The following LRFN5 variants were observed in gnomAD, a reference collection of about 807,000 sequenced individuals.
LRFN5 encodes the protein leucine-rich repeat and fibronectin type-III domain-containing protein 5.
A neutral mutation model predicts 45.6 loss-of-function variants in LRFN5; 24 were observed. That is an observed-to-expected ratio of 0.53 (90% CI 0.38 to 0.74). The LOEUF (loss-of-function observed/expected upper bound fraction) is 0.74, where lower values mean the gene tolerates loss of function less well. Ranked by LOEUF, LRFN5 falls within the 30% of genes least tolerant of loss-of-function variation. LRFN5 has a pLI of 0.00. For synonymous variants in LRFN5, 340 were observed against 313.8 expected (o/e 1.08, Z -0.88); for missense variants, 776 against 861.5 (o/e 0.90, Z 1.24).
intron 2 of LRFN5, among the ~76,000 whole-genome samples, chr14:41,833,859 T>G (rs1888569893): frequency 6.6e-6 from 1 of 152,240 alleles, no homozygotes; most frequent in Non-Finnish European, 1.5e-5. Flanking sequence ...TCTTTTGAAC[T>G]ACTGAATCTC....
At chr14:41,634,441 A>C (rs1888661312) in intron 1 of LRFN5, among the ~76,000 whole-genome samples, 1 of 152,196 alleles carries the variant, frequency 6.6e-6, no homozygotes, top group Non-Finnish European at 1.5e-5. Context: ...CCATAAAGGC[A>C]AATAGCTTCA....
At chr14:41,863,111 G>A (rs574568854) in intron 2 of LRFN5, among the ~76,000 whole-genome samples, 6 of 152,056 alleles carry the variant, frequency 3.9e-5, no homozygotes, top group Admixed American at 2.6e-4. Context: ...TGATCCGCCC[G>A]CCTCAGCCTC....
intron 1 of LRFN5, among the ~76,000 whole-genome samples, chr14:41,659,277 C>T (rs1880520928): frequency 6.6e-6 from 1 of 152,058 alleles, no homozygotes; most frequent in South Asian, 2.1e-4. Context: ...GTTCAACTCC[C>T]ACTAATGATT....
chr14:41,762,752 C>T (rs1042073223), intron 1 of LRFN5, among the ~76,000 whole-genome samples: 1 of 151,892 alleles, frequency 6.6e-6, no homozygotes, highest in African/African-American at 2.4e-5. Context: ...TATATTATTA[C>T]ATAAGTATAA....
chr14:41,648,953 T>C (rs1367019126), intron 1 of LRFN5, among the ~76,000 whole-genome samples: 1 of 152,162 alleles, frequency 6.6e-6, no homozygotes, highest in African/African-American at 2.4e-5. Context: ...AGTAATATAA[T>C]GAAAATTAAA....
At chr14:41,734,322 A>ATATATATATATATATATG (rs1884321745) in intron 1 of LRFN5, among the ~76,000 whole-genome samples, 1 of 78,672 alleles carries the variant, frequency 1.3e-5, no homozygotes, top group Non-Finnish European at 2.5e-5. Context: ...GGTTTTATAT[A>ATATATATATATATATATG]TATATATATA....
At chr14:41,634,296 A>G (rs1040785706) in intron 1 of LRFN5, among the ~76,000 whole-genome samples, 7 of 152,162 alleles carry the variant, frequency 4.6e-5, no homozygotes, top group African/African-American at 1.7e-4. Context: ...AATATATTGG[A>G]AGCCATACTC....
intron 1 of LRFN5, among the ~76,000 whole-genome samples, chr14:41,618,398 T>G (rs1354915919): frequency 6.6e-5 from 10 of 152,206 alleles, no homozygotes; most frequent in African/African-American, 2.4e-4. Flanking sequence ...CTCCAGAGAC[T>G]ATGTAGCTTC....
At chr14:41,892,609 A>G in intron 4 of LRFN5, 1 of 982,832 alleles carries the variant, frequency 1.0e-6, no homozygotes, top group Non-Finnish European at 1.2e-6. Flanking sequence ...AATGTTGTAG[A>G]GAACAACTTC....
At chr14:41,795,401 A>G (rs952181538) in intron 2 of LRFN5, among the ~76,000 whole-genome samples, 4 of 152,114 alleles carry the variant, frequency 2.6e-5, no homozygotes, top group African/African-American at 4.8e-5. Context: ...TAGAAATACC[A>G]TTTGACCCAG....
chr14:41,624,164 A>AT (rs2138564647), intron 1 of LRFN5, among the ~76,000 whole-genome samples: 1 of 152,226 alleles, frequency 6.6e-6, no homozygotes, highest in Non-Finnish European at 1.5e-5. Flanking sequence ...TGGGTAGCAC[A>AT]TACTCCATAT....
At chr14:41,821,167 G>T (rs1888099543) in intron 2 of LRFN5, among the ~76,000 whole-genome samples, 1 of 151,874 alleles carries the variant, frequency 6.6e-6, no homozygotes, top group South Asian at 2.1e-4. Context: ...GTATGAAAGT[G>T]GGCATCTTTG....
intron 1 of LRFN5, among the ~76,000 whole-genome samples, chr14:41,610,499 C>G (rs1427786580): frequency 6.6e-6 from 1 of 151,270 alleles, no homozygotes; most frequent in Non-Finnish European, 1.5e-5. Context: ...AACTAACCTC[C>G]CTCTCCCACC....
At chr14:41,615,767 T>A (rs1374224163) in intron 1 of LRFN5, among the ~76,000 whole-genome samples, 1 of 152,144 alleles carries the variant, frequency 6.6e-6, no homozygotes, top group Admixed American at 6.6e-5. Flanking sequence ...TCTTAACATA[T>A]ATACCTCTTT....
intron 2 of LRFN5, among the ~76,000 whole-genome samples, chr14:41,858,085 A>G (rs1463107604): frequency 2.6e-5 from 4 of 152,172 alleles, no homozygotes; most frequent in East Asian, 3.9e-4. Context: ...AAGAGATGAC[A>G]TTGTGGGTTT....
chr14:41,867,120 G>C (rs1889867127), intron 2 of LRFN5, among the ~76,000 whole-genome samples: 1 of 152,028 alleles, frequency 6.6e-6, no homozygotes, highest in Admixed American at 6.6e-5. Context: ...CCATAAGGCA[G>C]TACAAGTATG....
intron 2 of LRFN5, among the ~76,000 whole-genome samples, chr14:41,858,959 T>A (rs1288421347): frequency 6.6e-6 from 1 of 152,186 alleles, no homozygotes; most frequent in Non-Finnish European, 1.5e-5. Context: ...GTCTATGTGG[T>A]CTTACTGATT....
At chr14:41,714,132 GA>G (rs1210496339) in intron 1 of LRFN5, among the ~76,000 whole-genome samples, 7 of 151,932 alleles carry the variant, frequency 4.6e-5, no homozygotes, top group Non-Finnish European at 8.8e-5. Flanking sequence ...ATAAATTAAG[GA>G]AAAAAAGAAA....
At chr14:41,671,175 G>T (rs1881191093) in intron 1 of LRFN5, among the ~76,000 whole-genome samples, 1 of 151,912 alleles carries the variant, frequency 6.6e-6, no homozygotes, top group African/African-American at 2.4e-5. Context: ...GTCATGAAAA[G>T]AAATTAATAT....
Sources: gnomAD v4.1 joint callset for allele counts (sites outside exome capture counted in the v4.1 genomes callset) on GRCh38, gnomAD v4.1.1 for gene constraint, MANE v1.5 for transcripts, NCBI Gene and HGNC (gene_info 2026-07-23, HGNC 2026-07-21) for gene names.